ZNF365: variants seen among roughly 807,000 people sequenced by gnomAD.
ZNF365 encodes the protein protein ZNF365.
ZNF365 carries 22 observed loss-of-function variants against 35.0 expected under a neutral mutation model. The ratio of observed to expected loss-of-function variants is 0.63; its 90% confidence interval spans 0.45 to 0.90. The LOEUF (loss-of-function observed/expected upper bound fraction) is 0.90, where lower values mean the gene tolerates loss of function less well. Among genes scored for constraint, ZNF365 ranks in the 40% least tolerant of loss-of-function variants. The pLI is 0.00. For missense variants in ZNF365, 448 were observed against 500.3 expected (o/e 0.90, Z 1.00); for synonymous variants, 188 against 196.2 (o/e 0.96, Z 0.35).
In ZNF365 at chr10:62,400,358, G is replaced by A. The variant is rs189121952; in HGVS notation, c.*569G>A. Reference sequence around the variant, plus strand: ...AATTTCTGGGTTGCTCAAGGGACTCGTTCAGTCAGACTTCAGTTCTCATTC... The same window carrying A: ...AATTTCTGGGTTGCTCAAGGGACTCATTCAGTCAGACTTCAGTTCTCATTC... On this transcript the variant is annotated 3_prime_UTR_variant, in exon 5 of 5. Transcript: ENST00000395254. 3.7e-4 allele frequency: 363 copies of A among 986,312 alleles called. 2 individuals are homozygous for A. The South Asian group carries it at 0.014, about 37-fold the overall frequency. The allele number at this position is 986,312 out of a possible 1,614,324, so 61.1% of individuals were successfully genotyped here. A position where few individuals can be genotyped will look rare whatever the true frequency, so the allele number is the denominator to read the frequency against.
At chr10:62,410,799 G>A (rs1839974222) in intron 3 of ZNF365, among the ~76,000 whole-genome samples, 1 of 151,834 alleles carries the variant, frequency 6.6e-6, no homozygotes, top group South Asian at 2.1e-4. Context: ...CATGTCTTTG[G>A]TATTTTCATG....
At chr10:62,430,914 C>T (rs16917206) in intron 3 of ZNF365, among the ~76,000 whole-genome samples, 2,455 of 152,228 alleles carry the variant, frequency 0.016, 60 homozygotes, top group East Asian at 0.086. Context: ...GCCATCACAC[C>T]GATCTTCAAG....
intron 3 of ZNF365, among the ~76,000 whole-genome samples, chr10:62,398,454 T>TG (rs917113143): frequency 4.6e-5 from 7 of 152,126 alleles, no homozygotes; most frequent in Non-Finnish European, 1.0e-4. Context: ...GTTGCTCTAC[T>TG]GGGGGGCTCT....
intron 3 of ZNF365, among the ~76,000 whole-genome samples, chr10:62,423,888 A>T (rs10822003): frequency 0.61 from 93,453 of 151,970 alleles, 29,444 homozygotes; most frequent in East Asian, 0.84. Flanking sequence ...TATTAAAATC[A>T]TTCTTATTTT....
intron 4 of ZNF365, among the ~76,000 whole-genome samples, chr10:62,467,244 A>G (rs1840959156): frequency 1.3e-5 from 2 of 152,224 alleles, no homozygotes; most frequent in African/African-American, 4.8e-5. Flanking sequence ...AGGCTTTCAA[A>G]TTAGTTCACT....
intron 3 of ZNF365, among the ~76,000 whole-genome samples, chr10:62,450,734 T>C (rs969403620): frequency 6.6e-5 from 10 of 152,308 alleles, no homozygotes; most frequent in Non-Finnish European, 1.5e-4. Flanking sequence ...CCAGCTGATA[T>C]GGCATATGGA....
intron 4 of ZNF365, among the ~76,000 whole-genome samples, chr10:62,462,316 A>G (rs920494301): frequency 1.3e-5 from 2 of 152,244 alleles, no homozygotes; most frequent in African/African-American, 4.8e-5. Flanking sequence ...GCTTAAGGCA[A>G]TAAAGGAGAA....
chr10:62,456,732 T>C (rs1840766576), intron 3 of ZNF365, among the ~76,000 whole-genome samples: 1 of 152,226 alleles, frequency 6.6e-6, no homozygotes. Flanking sequence ...TCTGGTTTCA[T>C]ATCCTCTTAG....
intron 3 of ZNF365, among the ~76,000 whole-genome samples, chr10:62,434,936 C>T (rs1219728768): frequency 6.6e-6 from 1 of 152,148 alleles, no homozygotes; most frequent in East Asian, 1.9e-4. Flanking sequence ...TGAATCCTCC[C>T]ATGCATCAGA....
At chr10:62,442,818 T>A (rs929179407) in intron 3 of ZNF365, among the ~76,000 whole-genome samples, 7 of 152,160 alleles carry the variant, frequency 4.6e-5, no homozygotes, top group Non-Finnish European at 1.0e-4. Context: ...ATCCCCAACA[T>A]GGGGGGAATT....
intron 2 of ZNF365, 81 bp downstream of exon 2, chr10:62,377,017 G>C: frequency 6.6e-7 from 1 of 1,509,648 alleles, no homozygotes; most frequent in Non-Finnish European, 8.8e-7. Flanking sequence ...GCTAAGCAAG[G>C]TTGATTTTTG....
At chr10:62,425,743 T>C (rs949413650) in intron 3 of ZNF365, among the ~76,000 whole-genome samples, 13 of 152,186 alleles carry the variant, frequency 8.5e-5, no homozygotes, top group African/African-American at 3.1e-4. Context: ...CTTCTCTTCA[T>C]AGAATGTATC....
At chr10:62,386,125 A>G (rs1194398222) in intron 2 of ZNF365, among the ~76,000 whole-genome samples, 1 of 152,170 alleles carries the variant, frequency 6.6e-6, no homozygotes, top group Non-Finnish European at 1.5e-5. Flanking sequence ...GACCTAAACC[A>G]TAAGCAAGAA....
intron 4 of ZNF365, among the ~76,000 whole-genome samples, chr10:62,473,275 T>C (rs1564603658): frequency 6.6e-6 from 1 of 152,176 alleles, no homozygotes; most frequent in East Asian, 1.9e-4. Context: ...AATATTTTGC[T>C]TGGGGGTAGA....
At chr10:62,413,136 A>G (rs990420680) in intron 3 of ZNF365, among the ~76,000 whole-genome samples, 2 of 152,142 alleles carry the variant, frequency 1.3e-5, no homozygotes, top group African/African-American at 4.8e-5. Context: ...ATACAAAGGC[A>G]TCTGATGTTT....
chr10:62,413,909 T>A (rs1014917721), intron 3 of ZNF365, among the ~76,000 whole-genome samples: 20 of 152,170 alleles, frequency 1.3e-4, no homozygotes, highest in African/African-American at 4.6e-4. Context: ...GACACTGATA[T>A]ACTCACTAGA....
At chr10:62,456,806 A>G (rs552350320) in intron 3 of ZNF365, among the ~76,000 whole-genome samples, 35 of 152,048 alleles carry the variant, frequency 2.3e-4, no homozygotes, top group African/African-American at 8.5e-4. Flanking sequence ...TGTGACCACA[A>G]TGATGCTCAG....
At chr10:62,429,203 T>A (rs775379041) in intron 3 of ZNF365, among the ~76,000 whole-genome samples, 7 of 152,222 alleles carry the variant, frequency 4.6e-5, no homozygotes, top group African/African-American at 1.7e-4. Flanking sequence ...ATGGTTGTCA[T>A]TGTTGCATCT....
rs1397982830 is a variant in ZNF365, at chr10:62,400,016, TA to T, written c.*234del. ...AGAAGCTTGCAAATTACAGAAAGAA[TA>T]AAAAAATTAAATCAATCTTAAAGCT... On this transcript the variant is annotated 3_prime_UTR_variant, in exon 5 of 5. Coordinates refer to ENST00000395254, the MANE Select transcript of ZNF365 (RefSeq NM_014951.3). 3.8e-6 allele frequency: 5 copies of T among 1,307,372 alleles called. No homozygotes were observed. The highest frequency in any genetic ancestry group is 4.9e-6 in the Non-Finnish European group (5 of 1,030,218). 81.0% of individuals were successfully genotyped at this position (1,307,372 alleles called of 1,614,324 possible).
Sources: allele counts gnomAD v4.1 joint callset (sites outside exome capture counted in the v4.1 genomes callset), GRCh38; gene constraint gnomAD v4.1.1; transcripts MANE v1.5; gene names NCBI Gene and HGNC (gene_info 2026-07-23, HGNC 2026-07-21).